GNG7: variants seen among roughly 807,000 people sequenced by gnomAD.
The protein encoded by GNG7 is guanine nucleotide-binding protein G(I)/G(S)/G(O) subunit gamma-7.
In GNG7, 1 loss-of-function variant was observed where a neutral mutation model predicts 4.0. The observed-to-expected ratio is 0.25, with a 90% confidence interval of 0.09 to 1.18. The LOEUF is 1.18. Ranked by LOEUF, GNG7 falls within the 50% of genes most tolerant of loss-of-function variation. The pLI is 0.50. For missense variants in GNG7, 86 were observed against 91.9 expected (o/e 0.94, Z 0.26); for synonymous variants, 34 against 36.9 (o/e 0.92, Z 0.29).
In GNG7 at chr19:2,612,756, C is replaced by T. The variant is rs529001633; in HGVS notation, c.-78+33468G>A. 1.2e-4 allele frequency among the ~76,000 whole-genome samples: 16 copies of T among 136,776 alleles called. No individual in the cohort carries two copies. In the East Asian group the frequency reaches 3.2e-3, roughly 27 times the overall value. The allele number at this position is 136,776 out of a possible 152,430, so 89.7% of individuals were successfully genotyped here. On this transcript the variant is annotated intron_variant, in intron 2 of 4. Coordinates refer to ENST00000382159, the MANE Select transcript of GNG7 (RefSeq NM_052847.3). Reference sequence around the variant, plus strand: ...TTGCTGTGTCGCCCAGGCAGCGGTGCGATCTCGGCTCGCTGCAACTTCCAC... The same window carrying T: ...TTGCTGTGTCGCCCAGGCAGCGGTGTGATCTCGGCTCGCTGCAACTTCCAC...
Position 2,683,732 on chromosome 19 carries a change from C to A in GNG7, c.-135+18914G>T, listed in dbSNP as rs559095669. Reference sequence around the variant, plus strand: ...GGTGAGGAGAAAAACAAGAGAGAGACCCTGGAGGAGGAGGGAGGGAAATTA... The same window carrying A: ...GGTGAGGAGAAAAACAAGAGAGAGAACCTGGAGGAGGAGGGAGGGAAATTA... On this transcript the variant is annotated intron_variant, in intron 1 of 4. Coordinates refer to ENST00000382159, the MANE Select transcript of GNG7 (RefSeq NM_052847.3). 1.4e-3 allele frequency: 220 copies of A among 152,622 alleles called. 1 individual carries two copies. Among genetic ancestry groups the A allele is most frequent in the African/African-American group, 5.1e-3 (211 of 41,574 alleles). The allele number at this position is 152,622 out of a possible 1,614,324, so 9.5% of individuals were successfully genotyped here.
intron 1 of GNG7, among the ~76,000 whole-genome samples, chr19:2,695,794 T>A (rs914351996): frequency 6.6e-6 from 1 of 152,074 alleles, no homozygotes; most frequent in African/African-American, 2.4e-5. Context: ...GGCTGATTCG[T>A]CACCTCGGAG....
At chr19:2,631,832 C>T (rs1475341678) in intron 2 of GNG7, 1 of 152,224 alleles carries the variant, frequency 6.6e-6, no homozygotes, top group Non-Finnish European at 1.5e-5. Context: ...AGTTTTCGAC[C>T]CCGGCTTTAG....
At position 2,570,711 on chromosome 19, in the gene GNG7, C is replaced by T. The variant is rs139120420; in HGVS notation, c.-77-15523G>A. Reference sequence around the variant, plus strand: ...AGGTTTTCCAGGAGCAGACAGCGCTCCTCGGACAGTGGAGAGATGGTAAAG... The same window carrying T: ...AGGTTTTCCAGGAGCAGACAGCGCTTCTCGGACAGTGGAGAGATGGTAAAG... On this transcript the variant is annotated intron_variant, in intron 2 of 4. Transcript: ENST00000382159. Among the ~76,000 whole-genome samples the T allele has an allele frequency of 8.7e-4, 132 of 152,296 alleles. 1 individual carries two copies. Among genetic ancestry groups the T allele is most frequent in the African/African-American group, 3.0e-3 (126 of 41,568 alleles).
Position 2,540,446 on chromosome 19 carries a change from C to T in GNG7, c.-38+14703G>A, listed in dbSNP as rs933096663. On this transcript the variant is annotated intron_variant, in intron 3 of 4. Coordinates refer to ENST00000382159, the MANE Select transcript of GNG7 (RefSeq NM_052847.3). Reference sequence around the variant, plus strand: ...GGATTACAGACGGAGCCTCCACACTCGGCCTGTGCTCTAAGACTGATTCTT... The same window carrying T: ...GGATTACAGACGGAGCCTCCACACTTGGCCTGTGCTCTAAGACTGATTCTT... Among the ~76,000 whole-genome samples the T allele has an allele frequency of 2.0e-4, 30 of 152,368 alleles. No individual in the cohort carries two copies. The East Asian group carries it at 3.7e-3, about 19-fold the overall frequency.
chr19:2,583,275 T>A (rs1433253815), intron 2 of GNG7, among the ~76,000 whole-genome samples: 1 of 152,214 alleles, frequency 6.6e-6, no homozygotes, highest in Non-Finnish European at 1.5e-5. Flanking sequence ...CCTTTGTGTG[T>A]TTTCTGAAAA....
chr19:2,561,809 A>G (rs1979750387), intron 2 of GNG7, among the ~76,000 whole-genome samples: 1 of 151,546 alleles, frequency 6.6e-6, no homozygotes, highest in Non-Finnish European at 1.5e-5. Context: ...TGAACCTGGG[A>G]GGCAGAGGTT....
rs555207906 is a variant in GNG7 at position 2,682,066 on chromosome 19, C to T, written c.-135+20580G>A. 1.2e-4 allele frequency among the ~76,000 whole-genome samples: 18 copies of T among 152,188 alleles called. No homozygotes were observed. The South Asian group carries it at 1.7e-3, about 14-fold the overall frequency. ...CTGGGATTACAGGCGCGCGCCACCACGCCCGGCTAATTTTGTATTTTTAGC... is the reference window on the plus strand; with the variant it reads ...CTGGGATTACAGGCGCGCGCCACCATGCCCGGCTAATTTTGTATTTTTAGC... On this transcript the variant is annotated intron_variant, in intron 1 of 4. Transcript: ENST00000382159.
At chr19:2,555,924 C>T (rs935125429) in intron 2 of GNG7, among the ~76,000 whole-genome samples, 1 of 151,884 alleles carries the variant, frequency 6.6e-6, no homozygotes, top group African/African-American at 2.4e-5. Context: ...GGCCCACGGC[C>T]GTCTCCAATG....
intron 2 of GNG7, among the ~76,000 whole-genome samples, chr19:2,619,157 G>A (rs1387222666): frequency 6.6e-6 from 1 of 152,204 alleles, no homozygotes; most frequent in Non-Finnish European, 1.5e-5. Context: ...TAAGTAGAAG[G>A]CATATAAACA....
chr19:2,559,866 G>A (rs1222253804), intron 2 of GNG7, among the ~76,000 whole-genome samples: 2 of 151,982 alleles, frequency 1.3e-5, no homozygotes, highest in African/African-American at 4.8e-5. Flanking sequence ...TAGGGCAGCT[G>A]CTCTCTCAGT....
chr19:2,561,565 C>T (rs529350744), intron 2 of GNG7, among the ~76,000 whole-genome samples: 8 of 152,106 alleles, frequency 5.3e-5, no homozygotes, highest in African/African-American at 1.4e-4. Flanking sequence ...CCACAAGAGC[C>T]TCTCTCAGAA....
In GNG7 at chr19:2,618,789, C is replaced by T. The variant is rs1174005142; in HGVS notation, c.-78+27435G>A. Among the ~76,000 whole-genome samples the T allele has an allele frequency of 6.6e-6, 1 of 152,130 alleles. No individual in the cohort carries two copies. ...CTGTGTAACCACAGGGCATTGCTCA[C>T]AGCTGGGGAACGCTGGCACCTTCCT... is the stretch of plus-strand genomic sequence containing the variant. On this transcript the variant is annotated intron_variant, in intron 2 of 4. Transcript: ENST00000382159. This position sits in a 1 kb window ranked among gnomAD's most constrained non-coding sequence, Gnocchi z 5.1.
intron 2 of GNG7, among the ~76,000 whole-genome samples, chr19:2,619,218 C>T (rs1277035896): frequency 6.6e-6 from 1 of 152,188 alleles, no homozygotes; most frequent in Non-Finnish European, 1.5e-5. Flanking sequence ...AACCTTTGTC[C>T]TAAGCCAGGG....
intron 2 of GNG7, chr19:2,632,512 G>GCA (rs969305177): frequency 4.3e-5 from 5 of 116,806 alleles, no homozygotes; most frequent in African/African-American, 1.6e-4. Flanking sequence ...ACACACACAC[G>GCA]CACACAGAAA....
intron 1 of GNG7, among the ~76,000 whole-genome samples, chr19:2,665,891 T>C (rs1267116197): frequency 6.6e-6 from 1 of 152,192 alleles, no homozygotes; most frequent in African/African-American, 2.4e-5. Flanking sequence ...TTTTTTGAGA[T>C]GGAGTCTTGC....
At position 2,672,065 on chromosome 19, in the gene GNG7, A is replaced by AAG. The variant is rs1983469052; in HGVS notation, c.-134-25786_-134-25785insCT. Among the ~76,000 whole-genome samples, 9 of 150,566 alleles carry AAG rather than the reference A, an allele frequency of 6.0e-5. No homozygotes were observed. In the South Asian group the frequency reaches 1.9e-3, roughly 31 times the overall value. On this transcript the variant is annotated intron_variant, in intron 1 of 4. Coordinates refer to ENST00000382159, the MANE Select transcript of GNG7 (RefSeq NM_052847.3). ...GACTCCGTCTCAAAAAAAAAAAAAA[A>AAG]AAAAGATGGAGTCTCGCTCTCTCAC...
rs1399604949 is a variant in GNG7 at position 2,617,678 on chromosome 19, T to G, written c.-78+28546A>C. On this transcript the variant is annotated intron_variant, in intron 2 of 4. Transcript: ENST00000382159. The surrounding 1 kb of genome is among the most constrained non-coding windows in gnomAD (Gnocchi z 4.7). ...CCTGGACACCACGTGGCACAGACTC[T>G]CTCCTCTTGGTGCCACCTCATCCTA... Among the ~76,000 whole-genome samples, 1 of 151,664 alleles carries G rather than the reference T, an allele frequency of 6.6e-6. No homozygotes were observed. Among genetic ancestry groups the G allele is most frequent in the African/African-American group, 2.4e-5 (1 of 41,302 alleles).
chr19:2,675,912 G>A (rs886575083), intron 1 of GNG7, among the ~76,000 whole-genome samples: 4 of 152,176 alleles, frequency 2.6e-5, no homozygotes, highest in African/African-American at 9.7e-5. Flanking sequence ...CCTCAGAATG[G>A]GACCTTATTT....
Sources: allele counts gnomAD v4.1 joint callset (sites outside exome capture counted in the v4.1 genomes callset), GRCh38; gene constraint gnomAD v4.1.1; non-coding constraint Gnocchi (gnomAD v3.1); transcripts MANE v1.5; gene names NCBI Gene and HGNC (gene_info 2026-07-23, HGNC 2026-07-21).